The following CYTH1 variants were observed in gnomAD, a reference collection of about 807,000 sequenced individuals.
CYTH1 encodes the protein cytohesin 1.
A neutral mutation model predicts 61.8 loss-of-function variants in CYTH1; 18 were observed. That is an observed-to-expected ratio of 0.29 (90% CI 0.20 to 0.43). The LOEUF (loss-of-function observed/expected upper bound fraction) is 0.43. Ranked by LOEUF, CYTH1 falls within the 20% of genes least tolerant of loss-of-function variation. The pLI, the probability that CYTH1 is intolerant of heterozygous loss-of-function variation, is 1.00. For missense variants in CYTH1, 336 were observed against 510.5 expected (o/e 0.66, Z 3.29); for synonymous variants, 174 against 184.3 (o/e 0.94, Z 0.45).
rs370452877 is a variant in CYTH1, at chr17:78,681,428, A to C, written c.892-386T>G. Among the ~76,000 whole-genome samples, 30 of 151,988 alleles carry C rather than the reference A, an allele frequency of 2.0e-4. No homozygotes were observed. In the East Asian group the frequency reaches 5.8e-3, roughly 29 times the overall value. On this transcript the variant is annotated intron_variant, in intron 11 of 13. Transcript: ENST00000446868. ...ACTCCAGGAAGCCTTTCCTAGTTTC[A>C]CCCTAGCGCCCCGATGCCTGGGACT...
In CYTH1 at chr17:78,676,077, C is replaced by T. The variant is rs761098169; in HGVS notation, c.*14G>A. On this transcript the variant is annotated 3_prime_UTR_variant, in exon 14 of 14. Transcript: ENST00000446868. ...CTCCAAGGCCCCCGCAGACCAACGC[C>T]CTTGGCTGCACGCTCAGTGTCGCTT... 8.7e-6 allele frequency: 14 copies of T among 1,601,844 alleles called. No homozygotes were observed. In the African/African-American group the frequency reaches 1.5e-4, roughly 17 times the overall value.
chr17:78,757,608 A>T (rs957635202), intron 1 of CYTH1, among the ~76,000 whole-genome samples: 12 of 152,106 alleles, frequency 7.9e-5, no homozygotes, highest in African/African-American at 2.9e-4. Flanking sequence ...GCAGGAAAAA[A>T]TTTTAATTAT....
chr17:78,676,241 T>C (rs2092697460), intron 13 of CYTH1, 72 bp from the exon 14 acceptor site: 4 of 1,490,932 alleles, frequency 2.7e-6, no homozygotes, highest in Admixed American at 4.0e-5. Flanking sequence ...AGGCAGGGGA[T>C]TCTCAGGGGC....
intron 1 of CYTH1, among the ~76,000 whole-genome samples, chr17:78,762,948 G>C (rs1441579778): frequency 6.6e-6 from 1 of 152,176 alleles, no homozygotes; most frequent in African/African-American, 2.4e-5. Context: ...AATGTATATT[G>C]TCTTAAGCCA....
chr17:78,744,274 C>T (rs545063745), intron 1 of CYTH1, among the ~76,000 whole-genome samples: 2 of 152,320 alleles, frequency 1.3e-5, no homozygotes, highest in African/African-American at 4.8e-5. Flanking sequence ...TGAACACTTT[C>T]AAACCACCCT....
intron 1 of CYTH1, among the ~76,000 whole-genome samples, chr17:78,737,872 G>GAT (rs2093326921): frequency 1.5e-5 from 1 of 68,892 alleles, no homozygotes; most frequent in Non-Finnish European, 2.6e-5. Flanking sequence ...CTCTTCTATA[G>GAT]ATACACACAC....
At chr17:78,683,494 T>G (rs2092784645) in intron 11 of CYTH1, among the ~76,000 whole-genome samples, 2 of 152,204 alleles carry the variant, frequency 1.3e-5, no homozygotes, top group Admixed American at 1.3e-4. Flanking sequence ...GCATCTCTTC[T>G]TGGGCAGAGA....
intron 10 of CYTH1, among the ~76,000 whole-genome samples, chr17:78,693,816 A>G (rs888873825): frequency 1.3e-5 from 2 of 152,004 alleles, no homozygotes; most frequent in East Asian, 3.9e-4. Flanking sequence ...AACATGAACC[A>G]CTCAAAACTT....
chr17:78,702,287 G>A (rs781034732), intron 4 of CYTH1, 47 bp from the exon 5 acceptor site: 2 of 1,501,308 alleles, frequency 1.3e-6, no homozygotes, highest in Non-Finnish European at 9.3e-7. Flanking sequence ...CTGGGAAACA[G>A]TTGAAAAGAA....
chr17:78,676,625 C>A (rs2092702279), intron 13 of CYTH1: 3 of 274,160 alleles, frequency 1.1e-5, no homozygotes, highest in Admixed American at 1.0e-4. Flanking sequence ...GCCTTCCAAG[C>A]CCCCCACGTG....
At chr17:78,762,734 A>C (rs2093433789) in intron 1 of CYTH1, among the ~76,000 whole-genome samples, 1 of 152,138 alleles carries the variant, frequency 6.6e-6, no homozygotes. Context: ...GAGTGATGAG[A>C]GGTGAGACTC....
chr17:78,760,674 T>C (rs1046886641), intron 1 of CYTH1, among the ~76,000 whole-genome samples: 1 of 149,214 alleles, frequency 6.7e-6, no homozygotes, highest in African/African-American at 2.5e-5. Context: ...AAATCAAAAA[T>C]CGCATTACAA....
intron 1 of CYTH1, among the ~76,000 whole-genome samples, chr17:78,712,713 AG>A: frequency 6.6e-6 from 1 of 152,218 alleles, no homozygotes; most frequent in Non-Finnish European, 1.5e-5. Flanking sequence ...ATAATCAATT[AG>A]GTAATCGTAT....
At chr17:78,718,542 A>G (rs1343938946) in intron 1 of CYTH1, among the ~76,000 whole-genome samples, 2 of 152,118 alleles carry the variant, frequency 1.3e-5, no homozygotes, top group East Asian at 3.8e-4. Flanking sequence ...CTCGCCACAT[A>G]CCTGTGTCAA....
chr17:78,695,942 T>C, intron 10 of CYTH1, 65 bp downstream of exon 10: 11 of 1,361,156 alleles, frequency 8.1e-6, no homozygotes, highest in Non-Finnish European at 1.1e-5. Flanking sequence ...AATAACGAAA[T>C]CAGAAAATGC....
chr17:78,757,671 C>T (rs962087165), intron 1 of CYTH1, among the ~76,000 whole-genome samples: 2 of 152,116 alleles, frequency 1.3e-5, no homozygotes, highest in Non-Finnish European at 2.9e-5. Flanking sequence ...GTAGCTCATG[C>T]CTGAATCTCA....
chr17:78,696,068 G>A (rs1303701811), intron 9 of CYTH1, 59 bp from the exon 10 acceptor site: 1 of 1,366,094 alleles, frequency 7.3e-7, no homozygotes, highest in Non-Finnish European at 9.8e-7. Context: ...AAATGAGGGA[G>A]AAAAGAAAAT....
At chr17:78,682,250 G>C (rs2092771832) in intron 11 of CYTH1, among the ~76,000 whole-genome samples, 1 of 152,182 alleles carries the variant, frequency 6.6e-6, no homozygotes, top group East Asian at 1.9e-4. Flanking sequence ...GGGTGGAGAA[G>C]TGGGTTGTTC....
At chr17:78,711,224 T>C (rs2093126257) in intron 1 of CYTH1, among the ~76,000 whole-genome samples, 1 of 151,022 alleles carries the variant, frequency 6.6e-6, no homozygotes, top group Non-Finnish European at 1.5e-5. Context: ...ATCCCGCCAT[T>C]GCCCTCCAGC....
Sources: gnomAD v4.1 joint callset for allele counts (sites outside exome capture counted in the v4.1 genomes callset) on GRCh38, gnomAD v4.1.1 for gene constraint, MANE v1.5 for transcripts, NCBI Gene and HGNC (gene_info 2026-07-23, HGNC 2026-07-21) for gene names.